The following FAM168B variants were observed in gnomAD, a reference collection of about 807,000 sequenced individuals.
The protein encoded by FAM168B is myelin-associated neurite-outgrowth inhibitor.
A neutral mutation model predicts 21.8 loss-of-function variants in FAM168B; 19 were observed. The observed-to-expected ratio is 0.87, with a 90% CI of 0.61 to 1.28. FAM168B has a LOEUF of 1.28. Among genes scored for constraint, FAM168B ranks in the 50% most tolerant of loss-of-function variants. The pLI is 0.00. For missense variants in FAM168B, 233 were observed against 263.1 expected, an observed-to-expected ratio of 0.89 and a Z score of 0.79; for synonymous variants, 126 against 104.8, an observed-to-expected ratio of 1.20 and a Z score of -1.24.
chr2:131,059,336 T>C (rs994384614), intron 3 of FAM168B, among the ~76,000 whole-genome samples: 1 of 152,130 alleles, frequency 6.6e-6, no homozygotes, highest in Non-Finnish European at 1.5e-5. Context: ...AAAGAAACTG[T>C]GGGGATGAGG....
chr2:131,058,586 C>G (rs1692141794), intron 3 of FAM168B, among the ~76,000 whole-genome samples: 1 of 152,182 alleles, frequency 6.6e-6, no homozygotes, highest in South Asian at 2.1e-4. Context: ...TCGCTCACCG[C>G]TATGTTAACC....
chr2:131,065,743 C>G (rs928570416), intron 3 of FAM168B, among the ~76,000 whole-genome samples: 1 of 148,020 alleles, frequency 6.8e-6, no homozygotes, highest in African/African-American at 2.5e-5. Context: ...GAGCTGAGAT[C>G]GCACTACTGC....
intron 1 of FAM168B, among the ~76,000 whole-genome samples, chr2:131,088,036 A>G (rs1405550649): frequency 6.6e-6 from 1 of 152,048 alleles, no homozygotes; most frequent in Non-Finnish European, 1.5e-5. Context: ...ACTTGAGACC[A>G]CGCGTTCGAG....
At chr2:131,085,474 A>C (rs1331678887) in intron 1 of FAM168B, among the ~76,000 whole-genome samples, 1 of 152,212 alleles carries the variant, frequency 6.6e-6, no homozygotes, top group African/African-American at 2.4e-5. Flanking sequence ...CTTTCTAAAA[A>C]ACAAATGCCT....
At chr2:131,088,928 AG>A (rs1347736893) in intron 1 of FAM168B, among the ~76,000 whole-genome samples, 4 of 152,112 alleles carry the variant, frequency 2.6e-5, no homozygotes, top group East Asian at 3.9e-4. Context: ...CTGTGGACTA[AG>A]AAACCCAAAC....
At chr2:131,079,834 T>C (rs1341147863) in intron 2 of FAM168B, among the ~76,000 whole-genome samples, 3 of 151,746 alleles carry the variant, frequency 2.0e-5, no homozygotes, top group Admixed American at 2.0e-4. Flanking sequence ...AAAAAAAATG[T>C]GGCTCGGAGC....
chr2:131,072,312 C>T (rs1396864647), intron 2 of FAM168B, among the ~76,000 whole-genome samples: 2 of 151,456 alleles, frequency 1.3e-5, no homozygotes, highest in East Asian at 1.9e-4. Flanking sequence ...TTAGTAGAGA[C>T]GGGGTTTCAT....
rs70994735 is a variant in FAM168B, at chr2:131,087,063, CAAA to C, written c.-11-4409_-11-4407del. Among the ~76,000 whole-genome samples the C allele has an allele frequency of 5.2e-4, 21 of 40,672 alleles. 1 individual carries two copies. The highest frequency in any genetic ancestry group is 5.2e-3 in the African/African-American group (19 of 3,688). 26.7% of individuals were successfully genotyped at this position (40,672 alleles called of 152,430 possible). A position where few individuals can be genotyped will look rare whatever the true frequency, so the allele number is the denominator to read the frequency against. On this transcript the variant is annotated intron_variant, in intron 1 of 6. Coordinates refer to ENST00000389915, the MANE Select transcript of FAM168B (RefSeq NM_001009993.4). ...CCTGGGCGACAGCGAGACTCCGTCT[CAAA>C]AAAAAAAAAAAAAAAAAAAGAGTCA...
Position 131,049,594 on chromosome 2 carries a change from G to A in FAM168B, c.*2871C>T. ...CAAGACCTCCATGAGCAGAGAAACT[G>A]CAGCGGCTGAACACACTCCCCAAGC... On this transcript the variant is annotated 3_prime_UTR_variant, in exon 7 of 7. Coordinates refer to ENST00000389915, the MANE Select transcript of FAM168B (RefSeq NM_001009993.4). 1.0e-6 allele frequency: 1 copy of A among 985,426 alleles called. No individual in the cohort carries two copies. The highest frequency in any genetic ancestry group is 1.1e-4 in the East Asian group (1 of 8,812). 61.0% of individuals were successfully genotyped at this position (985,426 alleles called of 1,614,324 possible).
Position 131,050,868 on chromosome 2 carries a change from GACGC to G in FAM168B, c.*1593_*1596del. On this transcript the variant is annotated 3_prime_UTR_variant, in exon 7 of 7. Transcript: ENST00000389915. The stretch of plus-strand genomic sequence containing the variant: ...CAAACCACCACTGCACTGGGAAGAA[GACGC>G]ACGCTCCTGCCCTAGAGGCCGCTGA... 2 of 985,504 alleles carry G rather than the reference GACGC, an allele frequency of 2.0e-6. No individual in the cohort carries two copies. The highest frequency in any genetic ancestry group is 2.4e-6 in the Non-Finnish European group (2 of 830,050). The allele number at this position is 985,504 out of a possible 1,614,324, so 61.0% of individuals were successfully genotyped here.
chr2:131,083,134 T>A (rs1558992790), intron 1 of FAM168B, among the ~76,000 whole-genome samples: 1 of 151,998 alleles, frequency 6.6e-6, no homozygotes, highest in Non-Finnish European at 1.5e-5. Flanking sequence ...GGTGGAGGAA[T>A]CATGAGGTCA....
chr2:131,050,388 GA>G lies in FAM168B; in HGVS notation c.*2076del. ...TGCTACTTGGTCAGCTGAACCCCTG[GA>G]ACCGTTAGAACCTACTAATCCTGCC... On this transcript the variant is annotated 3_prime_UTR_variant, in exon 7 of 7. Coordinates refer to ENST00000389915, the MANE Select transcript of FAM168B (RefSeq NM_001009993.4). The G allele has an allele frequency of 9.1e-6, 9 of 985,704 alleles. No individual in the cohort carries two copies. Among genetic ancestry groups the G allele is most frequent in the Non-Finnish European group, 1.1e-5 (9 of 829,928 alleles). 61.1% of individuals were successfully genotyped at this position (985,704 alleles called of 1,614,324 possible).
chr2:131,079,886 G>A (rs372080651), intron 2 of FAM168B, among the ~76,000 whole-genome samples: 1 of 152,180 alleles, frequency 6.6e-6, no homozygotes, highest in East Asian at 1.9e-4. Context: ...GGAGGCCGAG[G>A]TGGGAGGATC....
intron 3 of FAM168B, among the ~76,000 whole-genome samples, chr2:131,071,421 T>C (rs375808305): frequency 1.3e-5 from 2 of 152,212 alleles, no homozygotes; most frequent in African/African-American, 4.8e-5. Flanking sequence ...TTAACAGTGA[T>C]TTCCAAAATC....
At chr2:131,088,063 T>A (rs1412662580) in intron 1 of FAM168B, among the ~76,000 whole-genome samples, 1 of 152,036 alleles carries the variant, frequency 6.6e-6, no homozygotes, top group Non-Finnish European at 1.5e-5. Flanking sequence ...CTGGGCAACA[T>A]GGTGAAACCC....
chr2:131,069,595 G>A (rs1467342487), intron 3 of FAM168B, among the ~76,000 whole-genome samples: 1 of 152,012 alleles, frequency 6.6e-6, no homozygotes, highest in Non-Finnish European at 1.5e-5. Context: ...CCAGGTTCTG[G>A]CCATTCTCCT....
Position 131,049,612 on chromosome 2 carries a change from C to T in FAM168B, c.*2853G>A, listed in dbSNP as rs1369306558. On this transcript the variant is annotated 3_prime_UTR_variant, in exon 7 of 7. Transcript: ENST00000389915. ...AGAAACTGCAGCGGCTGAACACACT[C>T]CCCAAGCCTCAGGGGAGAAGGTGTA... 1.0e-6 allele frequency: 1 copy of T among 985,410 alleles called. No individual in the cohort carries two copies. Among genetic ancestry groups the T allele is most frequent in the Non-Finnish European group, 1.2e-6 (1 of 829,962 alleles). 61.0% of individuals were successfully genotyped at this position (985,410 alleles called of 1,614,324 possible).
At position 131,066,161 on chromosome 2, in the gene FAM168B, CT is replaced by C. The variant is rs762218220; in HGVS notation, c.154+5693del. Among the ~76,000 whole-genome samples the C allele has an allele frequency of 9.1e-3, 1,260 of 138,262 alleles. 6 individuals are homozygous for C. The highest frequency in any genetic ancestry group is 0.026 in the African/African-American group (960 of 36,898). The allele number at this position is 138,262 out of a possible 152,430, so 90.7% of individuals were successfully genotyped here. A position where few individuals can be genotyped will look rare whatever the true frequency, so the allele number is the denominator to read the frequency against. ...CCATCACTCTTTGCAACATTTGTATCTTTTTTTTTTTTTTTTTGAGACTGAG... is the reference window on the plus strand; with the variant it reads ...CCATCACTCTTTGCAACATTTGTATCTTTTTTTTTTTTTTTTGAGACTGAG... On this transcript the variant is annotated intron_variant, in intron 3 of 6. Coordinates refer to ENST00000389915, the MANE Select transcript of FAM168B (RefSeq NM_001009993.4).
In FAM168B at chr2:131,055,595, G is replaced by T. The variant is rs1482648606; in HGVS notation, c.255C>A (p.Tyr85Ter). 1 of 1,610,584 alleles carries T rather than the reference G, an allele frequency of 6.2e-7. No homozygotes were observed. The highest frequency in any genetic ancestry group is 1.7e-5 in the Admixed American group (1 of 59,630). ...GCTGGGGGTAGGCACTTCGCACAGG[G>T]TACACGGCAGTCTGGTAGGGGTTCG... is the stretch of plus-strand genomic sequence containing the variant. ...SSPNPYQTAVYPVRSAYPQQS... is the reference protein window; with the variant it reads ...SSPNPYQTAV The change falls in exon 4 of 7, where the codon TAC becomes TAA. Residue 85 changes from tyrosine to a stop codon, truncating the protein, a stop_gained. Transcript: ENST00000389915. LOFTEE classifies it high-confidence loss of function.
Sources: allele counts gnomAD v4.1 joint callset (sites outside exome capture counted in the v4.1 genomes callset), GRCh38; gene constraint gnomAD v4.1.1; transcripts MANE v1.5; gene names NCBI Gene and HGNC (gene_info 2026-07-23, HGNC 2026-07-21).